CCDC13: variants seen among roughly 807,000 people sequenced by gnomAD.
CCDC13 encodes the protein coiled-coil domain containing 13.
A neutral mutation model predicts 87.3 loss-of-function variants in CCDC13; 70 were observed. The ratio of observed to expected loss-of-function variants is 0.80; its 90% CI spans 0.66 to 0.98. CCDC13 has a LOEUF of 0.98. CCDC13 is among the 50% of genes least tolerant of loss of function. The probability of loss-of-function intolerance (pLI) is 0.00; values close to 1 mark genes in which losing one functional copy is unlikely to be tolerated. For synonymous variants in CCDC13, 317 were observed against 360.3 expected, an observed-to-expected ratio of 0.88 and a Z score of 1.36; for missense variants, 842 against 892.0, an observed-to-expected ratio of 0.94 and a Z score of 0.71.
intron 1 of CCDC13, among the ~76,000 whole-genome samples, chr3:42,764,819 C>T (rs1457202382): frequency 4.6e-5 from 7 of 152,182 alleles, no homozygotes; most frequent in African/African-American, 1.7e-4. Context: ...ATCCCTAGGG[C>T]ACCCCTTGAT....
At chr3:42,728,726 C>A (rs916609994) in intron 13 of CCDC13, among the ~76,000 whole-genome samples, 20 of 152,216 alleles carry the variant, frequency 1.3e-4, no homozygotes, top group Non-Finnish European at 2.5e-4. Flanking sequence ...TTAGCAATAA[C>A]CTCAAGGAAA....
Position 42,713,257 on chromosome 3 carries a change from T to C in CCDC13, c.1778A>G (p.His593Arg). Reference sequence around the variant, plus strand: ...ATGTTGCTCCAGCACCACGGTGCGGTGTCGCTCCTCCTGCAGCTTCCTCTC... The same window carrying C: ...ATGTTGCTCCAGCACCACGGTGCGGCGTCGCTCCTCCTGCAGCTTCCTCTC... ...ESERKLQEER[H>R]RTVVLEQHLE... is the part of the protein sequence containing the mutation. Residue 593 changes from histidine (H) to arginine (R), a missense_variant, in exon 14 of 16, where the codon CAC becomes CGC. By Grantham distance (29) the His-to-Arg change is conservative. Transcript: ENST00000310232. The C allele has an allele frequency of 6.2e-7, 1 of 1,614,170 alleles. No individual in the cohort carries two copies. The highest frequency in any genetic ancestry group is 1.3e-5 in the African/African-American group (1 of 75,054).
intron 13 of CCDC13, among the ~76,000 whole-genome samples, chr3:42,721,841 G>A (rs1371647370): frequency 6.6e-6 from 1 of 152,192 alleles, no homozygotes; most frequent in Non-Finnish European, 1.5e-5. Flanking sequence ...AACTGACCTT[G>A]TTTATTCCTG....
intron 14 of CCDC13, 53 bp from the exon 15 acceptor site, chr3:42,709,851 C>G (rs1490611474): frequency 6.7e-6 from 9 of 1,348,488 alleles, no homozygotes; most frequent in African/African-American, 1.4e-5. Flanking sequence ...CCTGTGCTAG[C>G]ACCCTGCTTC....
chr3:42,732,508 G>GGA (rs1205980395), intron 12 of CCDC13: 1 of 221,048 alleles, frequency 4.5e-6, no homozygotes, highest in Non-Finnish European at 9.0e-6. Context: ...TCAACAAAGA[G>GGA]GGGGCCCAAG....
intron 13 of CCDC13, among the ~76,000 whole-genome samples, chr3:42,718,660 T>C (rs1483755954): frequency 6.6e-6 from 1 of 151,980 alleles, no homozygotes; most frequent in Non-Finnish European, 1.5e-5. Flanking sequence ...TTTGCATAAG[T>C]GTTGGGGTCC....
intron 14 of CCDC13, among the ~76,000 whole-genome samples, chr3:42,710,602 G>C (rs1404712814): frequency 4.6e-5 from 7 of 152,210 alleles, no homozygotes; most frequent in Non-Finnish European, 1.0e-4. Flanking sequence ...GAGGCCAAGT[G>C]GGGGCAGATT....
In CCDC13 at chr3:42,758,548, C is replaced by T. The variant is rs143676867; in HGVS notation, c.-6-197G>A. On this transcript the variant is annotated intron_variant, in intron 1 of 15. Coordinates refer to ENST00000310232, the MANE Select transcript of CCDC13 (RefSeq NM_144719.4). ...TTGAACTGAGCATCCTCCCCAGTTC[C>T]TGAACATGCCACCAGATTGCACATG... Among the ~76,000 whole-genome samples, 1,089 of 152,306 alleles carry T rather than the reference C, an allele frequency of 7.2e-3. 13 individuals are homozygous for T. The highest frequency in any genetic ancestry group is 0.029 in the South Asian group (139 of 4,826).
In CCDC13 at chr3:42,713,233, T is replaced by A. The variant is rs1225187231; in HGVS notation, c.1802A>T (p.His601Leu). The A allele has an allele frequency of 2.5e-6, 4 of 1,614,082 alleles. No individual in the cohort carries two copies. The highest frequency in any genetic ancestry group is 3.4e-6 in the Non-Finnish European group (4 of 1,180,036). ...ERHRTVVLEQ[H>L]LEKIRLEPGK... ...TGGCTCCAGGCGTATCTTCTCCAGA[T>A]GTTGCTCCAGCACCACGGTGCGGTG... is the stretch of plus-strand genomic sequence containing the variant. Residue 601 changes from histidine to leucine, a missense_variant, in exon 14 of 16, where the codon CAT (histidine) becomes CTT (leucine). By Grantham distance (99) the His-to-Leu change is moderately conservative. Transcript: ENST00000310232.
At position 42,713,261 on chromosome 3, in the gene CCDC13, G is replaced by A. The variant is rs768909971; in HGVS notation, c.1774C>T (p.Arg592Ter). The change falls in exon 14 of 16, where the codon CGA (arginine) becomes TGA (stop). Residue 592 changes from arginine to a stop codon, truncating the protein, a stop_gained. Coordinates refer to ENST00000310232, the MANE Select transcript of CCDC13 (RefSeq NM_144719.4). LOFTEE classifies it high-confidence loss of function. ...TGCTCCAGCACCACGGTGCGGTGTC[G>A]CTCCTCCTGCAGCTTCCTCTCTGAC... ...LESERKLQEE[R>*]HRTVVLEQHL... The A allele has an allele frequency of 5.0e-6, 8 of 1,613,972 alleles. No homozygotes were observed. The highest frequency in any genetic ancestry group is 2.7e-5 in the African/African-American group (2 of 74,918).
intron 13 of CCDC13, among the ~76,000 whole-genome samples, chr3:42,723,644 G>A (rs1207110784): frequency 1.3e-5 from 2 of 152,140 alleles, no homozygotes; most frequent in South Asian, 4.1e-4. Context: ...TTCAACATCG[G>A]AATTAGGTTA....
intron 13 of CCDC13, among the ~76,000 whole-genome samples, chr3:42,715,566 C>T (rs542960933): frequency 4.0e-5 from 6 of 151,748 alleles, no homozygotes; most frequent in South Asian, 4.2e-4. Context: ...GAGCCGAGAT[C>T]GCACCACTGC....
intron 8 of CCDC13, among the ~76,000 whole-genome samples, chr3:42,741,891 A>G (rs994146719): frequency 6.6e-6 from 1 of 152,116 alleles, no homozygotes; most frequent in Admixed American, 6.6e-5. Context: ...GGGAGGTGCA[A>G]TGTGGTCATG....
At chr3:42,743,906 G>A (rs1440718340) in intron 7 of CCDC13, among the ~76,000 whole-genome samples, 1 of 152,112 alleles carries the variant, frequency 6.6e-6, no homozygotes, top group Non-Finnish European at 1.5e-5. Flanking sequence ...AAGCCTCACA[G>A]ATTGTGTGAC....
intron 7 of CCDC13, 100 bp downstream of exon 7, chr3:42,745,823 G>T: frequency 2.3e-6 from 2 of 853,670 alleles, no homozygotes; most frequent in Admixed American, 2.4e-5. Context: ...GGCCTTTTTT[G>T]GGTACTGTGT....
At chr3:42,746,526 T>C (rs1699398484) in intron 6 of CCDC13, 1 of 165,406 alleles carries the variant, frequency 6.0e-6, no homozygotes, top group Non-Finnish European at 1.3e-5. Context: ...TTTGCGGTTG[T>C]TGAAGTGCAG....
Position 42,758,435 on chromosome 3 carries a change from C to A in CCDC13, c.-6-84G>T. On this transcript the variant is annotated intron_variant, in intron 1 of 15. Coordinates refer to ENST00000310232, the MANE Select transcript of CCDC13 (RefSeq NM_144719.4). Reference sequence around the variant, plus strand: ...CAGTCCGCCCTGTCTGCAGCCCCAGCCTTGGAGTTTACTGCTTCGCGTTGC... The same window carrying A: ...CAGTCCGCCCTGTCTGCAGCCCCAGACTTGGAGTTTACTGCTTCGCGTTGC... The A allele has an allele frequency of 9.6e-6, 13 of 1,359,822 alleles. No homozygotes were observed. The South Asian group carries it at 1.7e-4, about 18-fold the overall frequency. 84.2% of individuals were successfully genotyped at this position (1,359,822 alleles called of 1,614,324 possible).
intron 9 of CCDC13, 107 bp from the exon 10 acceptor site, chr3:42,736,020 A>C (rs574527038): frequency 2.9e-6 from 3 of 1,025,862 alleles, no homozygotes; most frequent in Non-Finnish European, 4.3e-6. Flanking sequence ...CAGGAACCTA[A>C]CAGTGGGATC....
intron 14 of CCDC13, among the ~76,000 whole-genome samples, chr3:42,711,236 A>C: frequency 8.7e-6 from 1 of 115,578 alleles, no homozygotes. Flanking sequence ...ACAGAGTGAG[A>C]CTCTGTCTCC....
Sources: gnomAD v4.1 joint callset for allele counts (sites outside exome capture counted in the v4.1 genomes callset) on GRCh38, gnomAD v4.1.1 for gene constraint, MANE v1.5 for transcripts, NCBI Gene and HGNC (gene_info 2026-07-23, HGNC 2026-07-21) for gene names.